Variants in CFAP299 observed in about 807,000 individuals in gnomAD.
The protein encoded by CFAP299 is cilia- and flagella-associated protein 299.
A neutral mutation model predicts 27.0 loss-of-function variants in CFAP299; 21 were observed. That is an observed-to-expected ratio of 0.78 (90% CI 0.55 to 1.12). CFAP299 has a LOEUF of 1.12. CFAP299 is among the 50% of genes most tolerant of loss of function. The probability of loss-of-function intolerance (pLI) is 0.00; values close to 1 mark genes in which losing one functional copy is unlikely to be tolerated. For synonymous variants in CFAP299, 104 were observed against 98.1 expected (o/e 1.06, Z -0.36); for missense variants, 310 against 276.6 (o/e 1.12, Z -0.86).
intron 5 of CFAP299, among the ~76,000 whole-genome samples, chr4:80,947,669 G>A (rs185473432): frequency 6.6e-6 from 1 of 152,138 alleles, no homozygotes; most frequent in African/African-American, 2.4e-5. Context: ...TGCAGTTTGA[G>A]AAAAAATCTC....
intron 3 of CFAP299, among the ~76,000 whole-genome samples, chr4:80,787,473 C>A (rs532138111): frequency 6.6e-6 from 1 of 151,932 alleles, no homozygotes; most frequent in African/African-American, 2.4e-5. Flanking sequence ...TTCTAAGAAG[C>A]AACTGAGTCA....
chr4:80,812,755 T>C (rs575109154), intron 3 of CFAP299, among the ~76,000 whole-genome samples: 1 of 152,246 alleles, frequency 6.6e-6, no homozygotes, highest in East Asian at 1.9e-4. Context: ...ACAGAGGAAA[T>C]ACTTTAGTTG....
intron 3 of CFAP299, among the ~76,000 whole-genome samples, chr4:80,736,638 G>A (rs1456412977): frequency 1.3e-5 from 2 of 152,138 alleles, no homozygotes; most frequent in Admixed American, 6.5e-5. Context: ...AGTTAGAATG[G>A]CATTCATTAA....
intron 2 of CFAP299, among the ~76,000 whole-genome samples, chr4:80,509,319 G>T (rs1268378835): frequency 1.3e-5 from 2 of 152,150 alleles, no homozygotes; most frequent in Non-Finnish European, 2.9e-5. Flanking sequence ...AAATATTTTA[G>T]AGCAAGCTTG....
At position 80,379,234 on chromosome 4, in the gene CFAP299, C is replaced by G. The variant is rs1724575919; in HGVS notation, c.242+16350C>G. On this transcript the variant is annotated intron_variant, in intron 2 of 5. Coordinates refer to ENST00000358105, the MANE Select transcript of CFAP299 (RefSeq NM_152770.3). ...ATAGGCATAAAGTCATTCTTAATATCATGTTATCATTTTAATATATGTAGT... is the reference window on the plus strand; with the variant it reads ...ATAGGCATAAAGTCATTCTTAATATGATGTTATCATTTTAATATATGTAGT... 2.0e-5 allele frequency among the ~76,000 whole-genome samples: 3 copies of G among 151,946 alleles called. No homozygotes were observed. The South Asian group carries it at 6.2e-4, about 31-fold the overall frequency.
intron 2 of CFAP299, among the ~76,000 whole-genome samples, chr4:80,444,746 T>C (rs1728533613): frequency 6.6e-6 from 1 of 152,124 alleles, no homozygotes; most frequent in Admixed American, 6.5e-5. Context: ...ATAGGCAACC[T>C]ACAGATGGGA....
intron 3 of CFAP299, among the ~76,000 whole-genome samples, chr4:80,789,259 T>C (rs560588346): frequency 3.5e-4 from 53 of 152,126 alleles, no homozygotes; most frequent in East Asian, 2.1e-3. Context: ...ATCCTAACCA[T>C]TGCAGTCCTA....
intron 5 of CFAP299, among the ~76,000 whole-genome samples, chr4:80,952,565 A>C (rs1012456183): frequency 1.3e-5 from 2 of 152,198 alleles, no homozygotes; most frequent in Admixed American, 6.5e-5. Context: ...ATAAATGCGT[A>C]GTCACTGTTG....
At chr4:80,825,603 C>T (rs1175984531) in intron 3 of CFAP299, among the ~76,000 whole-genome samples, 1 of 151,638 alleles carries the variant, frequency 6.6e-6, no homozygotes, top group African/African-American at 2.4e-5. Flanking sequence ...TTTAAAGGTG[C>T]TCAAATAAAA....
chr4:80,720,782 C>A (rs542632020), intron 3 of CFAP299, among the ~76,000 whole-genome samples: 29 of 152,068 alleles, frequency 1.9e-4, no homozygotes, highest in Admixed American at 4.6e-4. Context: ...GGAGAAAAAT[C>A]AACCAAGTGA....
intron 1 of CFAP299, among the ~76,000 whole-genome samples, chr4:80,340,534 T>C (rs1017319353): frequency 3.7e-4 from 57 of 152,314 alleles, no homozygotes; most frequent in African/African-American, 1.3e-3. Context: ...CCACTTCCCT[T>C]GCACCTCACA....
chr4:80,560,595 TGA>T (rs1202356918), intron 2 of CFAP299, among the ~76,000 whole-genome samples: 1 of 151,736 alleles, frequency 6.6e-6, no homozygotes, highest in East Asian at 2.0e-4. Context: ...CCCTGAAAGG[TGA>T]GTCTCAAGCC....
chr4:80,430,843 C>T lies in CFAP299; in HGVS notation c.242+67959C>T, dbSNP rs553183005. On this transcript the variant is annotated intron_variant, in intron 2 of 5. Transcript: ENST00000358105. ...TCTATCATCTTTTTACCTCATTAGCCCTAGCTTTCTCCGCTTCAGCCATTC... is the reference window on the plus strand; with the variant it reads ...TCTATCATCTTTTTACCTCATTAGCTCTAGCTTTCTCCGCTTCAGCCATTC... Among the ~76,000 whole-genome samples, 3 of 152,278 alleles carry T rather than the reference C, an allele frequency of 2.0e-5. No individual in the cohort carries two copies. The East Asian group carries it at 5.8e-4, about 29-fold the overall frequency.
chr4:80,686,724 G>A (rs117626400), intron 3 of CFAP299, among the ~76,000 whole-genome samples: 17 of 152,238 alleles, frequency 1.1e-4, no homozygotes, highest in East Asian at 7.7e-4. Flanking sequence ...TTTCTTGAGC[G>A]TAGATTTCTC....
chr4:80,800,510 AATATATAATATATAATATATTATATAAT>A (rs1728454932), intron 3 of CFAP299, among the ~76,000 whole-genome samples: 1 of 23,172 alleles, frequency 4.3e-5, no homozygotes, highest in Non-Finnish European at 6.0e-5. Flanking sequence ...TATATTATAT[AATATATAATATATAATATATTATATAAT>A]ATATAATATA....
At position 80,944,946 on chromosome 4, in the gene CFAP299, C is replaced by A. The variant is rs776120582; in HGVS notation, c.606+7C>A. On this transcript the variant is annotated splice_region_variant and intron_variant, in intron 5 of 5. Coordinates refer to ENST00000358105, the MANE Select transcript of CFAP299 (RefSeq NM_152770.3). The stretch of plus-strand genomic sequence containing the variant: ...TCTTAATGTGGACCCAAAGGTAATT[C>A]TTCTTTTACACTTAGTTAGTTACCT... 6.2e-7 allele frequency: 1 copy of A among 1,608,480 alleles called. No individual in the cohort carries two copies. Among genetic ancestry groups the A allele is most frequent in the Non-Finnish European group, 8.5e-7 (1 of 1,176,774 alleles).
chr4:80,933,849 T>C (rs912437607), intron 4 of CFAP299, among the ~76,000 whole-genome samples: 15 of 152,292 alleles, frequency 9.8e-5, no homozygotes, highest in Non-Finnish European at 1.8e-4. Flanking sequence ...AGGGTTTCTG[T>C]ATATAAGATG....
intron 2 of CFAP299, among the ~76,000 whole-genome samples, chr4:80,403,132 T>C (rs1169878398): frequency 6.6e-6 from 1 of 152,224 alleles, no homozygotes; most frequent in East Asian, 1.9e-4. Flanking sequence ...GTTTTTGCAC[T>C]TGGATTTGGA....
intron 1 of CFAP299, among the ~76,000 whole-genome samples, chr4:80,355,168 G>A (rs148389041): frequency 1.3e-5 from 2 of 151,666 alleles, no homozygotes; most frequent in African/African-American, 2.4e-5. Flanking sequence ...TTTTTTCTCC[G>A]CAAGTTTGCC....
Sources: allele counts gnomAD v4.1 joint callset (sites outside exome capture counted in the v4.1 genomes callset), GRCh38; gene constraint gnomAD v4.1.1; transcripts MANE v1.5; gene names NCBI Gene and HGNC (gene_info 2026-07-23, HGNC 2026-07-21).